EIF4H: variants seen among roughly 807,000 people sequenced by gnomAD.
EIF4H encodes eukaryotic translation initiation factor 4H.
In EIF4H, 8 loss-of-function variants were observed where a neutral mutation model predicts 30.6. The ratio of observed to expected loss-of-function variants is 0.26; its 90% CI spans 0.15 to 0.47. The LOEUF is 0.47. EIF4H is among the 20% of genes least tolerant of loss of function. The pLI, the probability that EIF4H is intolerant of heterozygous loss-of-function variation, is 0.99. For missense variants in EIF4H, 188 were observed against 339.5 expected, an observed-to-expected ratio of 0.55 and a Z score of 3.51; for synonymous variants, 106 against 122.7, an observed-to-expected ratio of 0.86 and a Z score of 0.90.
intron 2 of EIF4H, among the ~76,000 whole-genome samples, chr7:74,188,621 A>G (rs1554709488): frequency 6.6e-6 from 1 of 152,148 alleles, no homozygotes; most frequent in African/African-American, 2.4e-5. Context: ...AGTGAAAACA[A>G]ATATATCAGT....
intron 5 of EIF4H, among the ~76,000 whole-genome samples, chr7:74,192,573 CTA>C (rs1484607195): frequency 2.0e-5 from 3 of 151,768 alleles, no homozygotes; most frequent in Non-Finnish European, 4.4e-5. Context: ...TGTGGAGTTG[CTA>C]GAACACTGAA....
chr7:74,189,875 T>C lies in EIF4H; in HGVS notation c.366T>C (p.Asp122=). The C allele has an allele frequency of 6.2e-7, 1 of 1,614,252 alleles. No individual in the cohort carries two copies. The highest frequency in any genetic ancestry group is 8.5e-7 in the Non-Finnish European group (1 of 1,180,044). ...ACATTGCAGAAGGCAGAAAACAAGA[T>C]AAAGGTGGCTTTGGATTCAGAAAAG... is the stretch of plus-strand genomic sequence containing the variant. ...RVDIAEGRKQ[D]KGGFGFRKGG... The change falls in exon 4 of 7, where the codon GAT becomes GAC. Residue 122 remains aspartate, a synonymous_variant. Coordinates refer to ENST00000265753, the MANE Select transcript of EIF4H (RefSeq NM_022170.2).
chr7:74,182,671 C>T (rs1800988448), intron 1 of EIF4H, among the ~76,000 whole-genome samples: 1 of 152,242 alleles, frequency 6.6e-6, no homozygotes, highest in South Asian at 2.1e-4. Context: ...AGTGCTGGGA[C>T]TACAGGCCGG....
chr7:74,186,656 C>T (rs782226526), intron 1 of EIF4H, among the ~76,000 whole-genome samples: 2 of 152,062 alleles, frequency 1.3e-5, no homozygotes, highest in Non-Finnish European at 2.9e-5. Flanking sequence ...ATTGGTAATG[C>T]ACGCCATACG....
At chr7:74,186,115 C>G (rs781846862) in intron 1 of EIF4H, among the ~76,000 whole-genome samples, 6 of 152,038 alleles carry the variant, frequency 3.9e-5, no homozygotes, top group Admixed American at 6.6e-5. Context: ...TGCTTGAAAA[C>G]AAATGTTGGC....
chr7:74,176,626 TATC>T (rs1800847676), intron 1 of EIF4H, among the ~76,000 whole-genome samples: 1 of 152,224 alleles, frequency 6.6e-6, no homozygotes, highest in African/African-American at 2.4e-5. Flanking sequence ...AATGAACAGT[TATC>T]ATCATAAAAC....
chr7:74,192,108 G>C (rs1362474577), intron 5 of EIF4H, among the ~76,000 whole-genome samples: 1 of 152,182 alleles, frequency 6.6e-6, no homozygotes, highest in Non-Finnish European at 1.5e-5. Context: ...AGAGATCCTT[G>C]TTCATCTGCT....
At chr7:74,177,531 A>G (rs1227771314) in intron 1 of EIF4H, among the ~76,000 whole-genome samples, 1 of 152,094 alleles carries the variant, frequency 6.6e-6, no homozygotes, top group Non-Finnish European at 1.5e-5. Flanking sequence ...GTCCCTGGCA[A>G]CCACCATTCT....
intron 1 of EIF4H, among the ~76,000 whole-genome samples, chr7:74,186,985 T>C (rs1210977564): frequency 2.6e-5 from 4 of 152,146 alleles, no homozygotes; most frequent in African/African-American, 9.7e-5. Context: ...GTAATCCTTC[T>C]TCTGAATACA....
chr7:74,180,288 T>C (rs541053261), intron 1 of EIF4H, among the ~76,000 whole-genome samples: 38 of 152,220 alleles, frequency 2.5e-4, no homozygotes, highest in Non-Finnish European at 4.6e-4. Context: ...GAATTAACCA[T>C]AGTTTGTTCT....
intron 1 of EIF4H, among the ~76,000 whole-genome samples, chr7:74,176,299 G>A (rs143008987): frequency 0.022 from 3,276 of 150,342 alleles, 108 homozygotes; most frequent in African/African-American, 0.074. Flanking sequence ...GTGCAATGGT[G>A]TGATCTCGGC....
At chr7:74,186,788 A>ATTTTTTTTTTTTT (rs564794579) in intron 1 of EIF4H, among the ~76,000 whole-genome samples, 4 of 70,120 alleles carry the variant, frequency 5.7e-5, no homozygotes, top group African/African-American at 1.5e-4. Context: ...ACAAGGAGAA[A>ATTTTTTTTTTTTT]TTTTTTTTTT....
chr7:74,189,959 A>C, intron 4 of EIF4H, 41 bp downstream of exon 4: 1 of 1,605,426 alleles, frequency 6.2e-7, no homozygotes, highest in Non-Finnish European at 8.5e-7. Context: ...AAAGATTTGC[A>C]GTATGCCTAC....
chr7:74,184,507 C>T (rs1319422480), intron 1 of EIF4H, among the ~76,000 whole-genome samples: 2 of 152,158 alleles, frequency 1.3e-5, no homozygotes, highest in African/African-American at 4.8e-5. Context: ...TCCCACACAA[C>T]TGTGAGCTGC....
Position 74,174,634 on chromosome 7 carries a change from C to T in EIF4H, c.59+192C>T, listed in dbSNP as rs572844962. On this transcript the variant is annotated intron_variant, in intron 1 of 6. Transcript: ENST00000265753. ...GACGGGGCGGCGGCGGCTGGGCTCCCGGGGTCTTGCTTGCGGGGCGGATCC... is the reference window on the plus strand; with the variant it reads ...GACGGGGCGGCGGCGGCTGGGCTCCTGGGGTCTTGCTTGCGGGGCGGATCC... Among the ~76,000 whole-genome samples the T allele has an allele frequency of 2.0e-5, 3 of 152,156 alleles. No homozygotes were observed. The South Asian group carries it at 6.2e-4, about 32-fold the overall frequency.
At position 74,197,062 on chromosome 7, in the gene EIF4H, A is replaced by G. The variant is rs1323955260; in HGVS notation, c.*1754A>G. ...AATCTATGGATATGGTATTTTGTGA[A>G]TGATCTTTTAAATAAAAGAAAACCT... On this transcript the variant is annotated 3_prime_UTR_variant, in exon 7 of 7. Transcript: ENST00000265753. 1 of 152,584 alleles carries G rather than the reference A, an allele frequency of 6.6e-6. No individual in the cohort carries two copies. Among genetic ancestry groups the G allele is most frequent in the African/African-American group, 2.4e-5 (1 of 41,438 alleles). 9.5% of individuals were successfully genotyped at this position (152,584 alleles called of 1,614,324 possible). A position where few individuals can be genotyped will look rare whatever the true frequency, so the allele number is the denominator to read the frequency against.
chr7:74,187,527 G>A (rs1032560063), intron 1 of EIF4H, 84 bp from the exon 2 acceptor site: 19 of 1,341,400 alleles, frequency 1.4e-5, no homozygotes, highest in East Asian at 5.2e-5. Context: ...GGGCGCTGGC[G>A]GCGTAGCTCA....
At position 74,194,834 on chromosome 7, in the gene EIF4H, C is replaced by T; in HGVS notation, c.563C>T (p.Pro188Leu). 1.9e-6 allele frequency: 3 copies of T among 1,603,900 alleles called. No homozygotes were observed. The highest frequency in any genetic ancestry group is 2.6e-6 in the Non-Finnish European group (3 of 1,171,564). The change falls in exon 6 of 7, where the codon CCT becomes CTT. Residue 188 changes from proline (P) to leucine (L), a missense_variant. Physicochemically the swap from Pro to Leu is moderately conservative, Grantham distance 98. Transcript: ENST00000265753. ...ATGGGCAGCCGCTTCAGAGATGGCC[C>T]TCCCCTCCGTGGATCCAACATGGAT... ...PPMGSRFRDGPPLRGSNMDFR... is the reference protein window; with the variant it reads ...PPMGSRFRDGLPLRGSNMDFR...
At position 74,196,223 on chromosome 7, in the gene EIF4H, G is replaced by A. The variant is rs868917281; in HGVS notation, c.*915G>A. On this transcript the variant is annotated 3_prime_UTR_variant, in exon 7 of 7. Coordinates refer to ENST00000265753, the MANE Select transcript of EIF4H (RefSeq NM_022170.2). ...GCTGGTGCTGCACTGGGCTGACTGC[G>A]GCGCTGACGCAGCGTTTCCCCCCAT... is the stretch of plus-strand genomic sequence containing the variant. 9 of 152,970 alleles carry A rather than the reference G, an allele frequency of 5.9e-5. No homozygotes were observed. The highest frequency in any genetic ancestry group is 2.3e-3 in the Middle Eastern group (1 of 438). The allele number at this position is 152,970 out of a possible 1,614,324, so 9.5% of individuals were successfully genotyped here. A position where few individuals can be genotyped will look rare whatever the true frequency, so the allele number is the denominator to read the frequency against.
Sources: allele counts gnomAD v4.1 joint callset (sites outside exome capture counted in the v4.1 genomes callset), GRCh38; gene constraint gnomAD v4.1.1; transcripts MANE v1.5; gene names NCBI Gene and HGNC (gene_info 2026-07-23, HGNC 2026-07-21).